The following ESRRG variants were observed in gnomAD, a reference collection of about 807,000 sequenced individuals.
The protein encoded by ESRRG is estrogen-related receptor gamma.
A neutral mutation model predicts 44.0 loss-of-function variants in ESRRG; 13 were observed. The ratio of observed to expected loss-of-function variants is 0.30; its 90% CI spans 0.19 to 0.47. The LOEUF (loss-of-function observed/expected upper bound fraction) is 0.47, where lower values mean the gene tolerates loss of function less well. ESRRG is among the 20% of genes least tolerant of loss of function. The pLI is 1.00. For synonymous variants in ESRRG, 215 were observed against 214.6 expected (o/e 1.00, Z -0.02); for missense variants, 395 against 580.6 (o/e 0.68, Z 3.29).
intron 1 of ESRRG, among the ~76,000 whole-genome samples, chr1:217,130,989 T>C (rs2092956938): frequency 6.6e-6 from 1 of 152,192 alleles, no homozygotes; most frequent in Non-Finnish European, 1.5e-5. Flanking sequence ...TTTTTCTGAA[T>C]TGTAAACTCC....
intron 6 of ESRRG, among the ~76,000 whole-genome samples, chr1:216,508,611 G>A (rs942728192): frequency 6.6e-6 from 1 of 152,112 alleles, no homozygotes; most frequent in Admixed American, 6.5e-5. Flanking sequence ...CTCCAGTCTG[G>A]TTCCTCTCAG....
intron 2 of ESRRG, among the ~76,000 whole-genome samples, chr1:216,829,443 A>T (rs188251549): frequency 7.2e-5 from 11 of 152,256 alleles, no homozygotes; most frequent in African/African-American, 2.2e-4. Context: ...CATTTTACTG[A>T]TGGAAAAAAT....
rs956442014 is a variant in ESRRG at position 216,746,796 on chromosome 1, T to C, written c.-13-69305A>G. On this transcript the variant is annotated intron_variant, in intron 2 of 7. Coordinates refer to the ESRRG transcript ENST00000359162. ...AAATAAACAAAGACTGGTCCCTTTT[T>C]CCAAAAACTGTCTGTTCATCAGATA... Among the ~76,000 whole-genome samples, 5 of 152,280 alleles carry C rather than the reference T, an allele frequency of 3.3e-5. No homozygotes were observed. The South Asian group carries it at 6.2e-4, about 19-fold the overall frequency.
At chr1:216,919,132 T>C (rs1355265244) in intron 2 of ESRRG, among the ~76,000 whole-genome samples, 1 of 152,152 alleles carries the variant, frequency 6.6e-6, no homozygotes, top group East Asian at 1.9e-4. Flanking sequence ...AAAGTACTTA[T>C]ATCCAGCCAC....
intron 2 of ESRRG, among the ~76,000 whole-genome samples, chr1:216,742,841 G>A (rs1290034891): frequency 4.0e-5 from 6 of 151,832 alleles, no homozygotes; most frequent in Non-Finnish European, 7.4e-5. Flanking sequence ...CTCTGGTGTT[G>A]GACTCTCCCA....
intron 1 of ESRRG, among the ~76,000 whole-genome samples, chr1:217,003,102 A>T (rs987134276): frequency 2.0e-5 from 3 of 152,214 alleles, no homozygotes; most frequent in African/African-American, 7.2e-5. Flanking sequence ...TTCTGAACTC[A>T]ACTAAACATT....
At chr1:216,654,149 A>G (rs2069788159) in intron 2 of ESRRG, among the ~76,000 whole-genome samples, 1 of 151,504 alleles carries the variant, frequency 6.6e-6, no homozygotes, top group South Asian at 2.1e-4. Context: ...AAAATCCACC[A>G]AAAAGTAATA....
chr1:216,748,575 C>G (rs1335388425), intron 2 of ESRRG, among the ~76,000 whole-genome samples: 3 of 152,156 alleles, frequency 2.0e-5, no homozygotes, highest in Admixed American at 2.0e-4. Flanking sequence ...TCTGAACACA[C>G]AGAAACCTCT....
chr1:216,891,127 A>G (rs2057737227), intron 2 of ESRRG, among the ~76,000 whole-genome samples: 1 of 152,200 alleles, frequency 6.6e-6, no homozygotes, highest in African/African-American at 2.4e-5. Context: ...GCCTATATGT[A>G]TGGTACAGTT....
At position 216,851,087 on chromosome 1, in the gene ESRRG, A is replaced by G. The variant is rs373485030; in HGVS notation, c.-14+88495T>C. Among the ~76,000 whole-genome samples the G allele has an allele frequency of 5.3e-5, 8 of 150,922 alleles. No homozygotes were observed. In the East Asian group the frequency reaches 1.6e-3, roughly 29 times the overall value. ...CCAACATGATATTTTGTTTTTATTG[A>G]ATACATTCTATACTACCTATCAGAT... On this transcript the variant is annotated intron_variant, in intron 2 of 7. Coordinates refer to the ESRRG transcript ENST00000359162.
At chr1:216,919,264 G>A (rs1276435951) in intron 2 of ESRRG, among the ~76,000 whole-genome samples, 1 of 152,162 alleles carries the variant, frequency 6.6e-6, no homozygotes, top group Non-Finnish European at 1.5e-5. Context: ...CTAATTCCAA[G>A]TCACCTGCTA....
chr1:216,528,798 G>C (rs1436384036), intron 5 of ESRRG, among the ~76,000 whole-genome samples: 2 of 151,976 alleles, frequency 1.3e-5, no homozygotes, highest in African/African-American at 4.8e-5. Flanking sequence ...AAACAGCAAG[G>C]AGGAGACAAG....
chr1:216,785,968 G>A (rs565734501), intron 2 of ESRRG, among the ~76,000 whole-genome samples: 8 of 152,120 alleles, frequency 5.3e-5, no homozygotes, highest in East Asian at 1.9e-4. Flanking sequence ...ATAACACATC[G>A]CACGCCTAGA....
At chr1:216,608,459 T>A (rs1166555269) in intron 3 of ESRRG, among the ~76,000 whole-genome samples, 1 of 152,204 alleles carries the variant, frequency 6.6e-6, no homozygotes, top group African/African-American at 2.4e-5. Flanking sequence ...AGGGAGATAC[T>A]TCTAGACATC....
intron 6 of ESRRG, among the ~76,000 whole-genome samples, chr1:216,510,484 A>G (rs1202691416): frequency 6.6e-6 from 1 of 152,206 alleles, no homozygotes; most frequent in Non-Finnish European, 1.5e-5. Flanking sequence ...GCTAAATATC[A>G]TCATCCTTGC....
At chr1:217,111,199 C>A (rs989598498) in intron 1 of ESRRG, among the ~76,000 whole-genome samples, 1 of 152,148 alleles carries the variant, frequency 6.6e-6, no homozygotes, top group East Asian at 1.9e-4. Context: ...CAGGGCCCCC[C>A]TTATCACTTC....
chr1:216,926,923 G>T (rs544073837), intron 2 of ESRRG, among the ~76,000 whole-genome samples: 1 of 152,186 alleles, frequency 6.6e-6, no homozygotes, highest in Non-Finnish European at 1.5e-5. Context: ...CTCCCTGCAC[G>T]AAGAATAGCC....
At chr1:216,837,410 CA>C (rs3072231) in intron 2 of ESRRG, among the ~76,000 whole-genome samples, 2 of 148,256 alleles carry the variant, frequency 1.3e-5, no homozygotes. Context: ...GACTCCGTAT[CA>C]AAAAAAAAAT....
At position 216,706,263 on chromosome 1, in the gene ESRRG, G is replaced by A. The variant is rs554266281; in HGVS notation, c.56+16981C>T. Among the ~76,000 whole-genome samples, 118 of 151,772 alleles carry A rather than the reference G, an allele frequency of 7.8e-4. 1 individual carries two copies. The highest frequency in any genetic ancestry group is 1.4e-3 in the Non-Finnish European group (97 of 67,990). On this transcript the variant is annotated intron_variant, in intron 1 of 6. Coordinates refer to ENST00000408911, the MANE Select transcript of ESRRG (RefSeq NM_001438.4). The stretch of plus-strand genomic sequence containing the variant: ...AAAACTCAGAAAGACTATGGCGGGG[G>A]TGGGGGGCTGGATAAAGCATGTTCA...
Sources: allele counts gnomAD v4.1 joint callset (sites outside exome capture counted in the v4.1 genomes callset), GRCh38; gene constraint gnomAD v4.1.1; transcripts MANE v1.5; gene names NCBI Gene and HGNC (gene_info 2026-07-23, HGNC 2026-07-21).